FREM3: variants seen among roughly 807,000 people sequenced by gnomAD.
FREM3 encodes the protein FRAS1 related extracellular matrix 3.
FREM3 carries 105 observed loss-of-function variants against 129.1 expected under a neutral mutation model. The ratio of observed to expected loss-of-function variants is 0.81; its 90% CI spans 0.69 to 0.96. FREM3 has a LOEUF of 0.96. Ranked by LOEUF, FREM3 falls within the 40% of genes least tolerant of loss-of-function variation. The pLI, the probability that FREM3 is intolerant of heterozygous loss-of-function variation, is 0.00. For missense variants in FREM3, 2,593 were observed against 2,666.3 expected (o/e 0.97, Z 0.61); for synonymous variants, 1,014 against 1,044.9 (o/e 0.97, Z 0.57).
At position 143,697,575 on chromosome 4, in the gene FREM3, G is replaced by C; in HGVS notation, c.3101C>G (p.Ala1034Gly). The C allele has an allele frequency of 6.5e-7, 1 of 1,537,510 alleles. No individual in the cohort carries two copies. The highest frequency in any genetic ancestry group is 8.7e-7 in the Non-Finnish European group (1 of 1,146,968). Residue 1034 changes from alanine (A) to glycine (G), a missense_variant, in exon 1 of 8, where the codon GCC becomes GGC. By Grantham distance (60) the Ala-to-Gly change is moderately conservative (BLOSUM62 0). Transcript: ENST00000329798. ...GEVGFQKQHD[A>G]FSLILSKDSY... The stretch of plus-strand genomic sequence containing the variant: ...ATCTTTGGAGAGGATGAGGCTGAAG[G>C]CATCGTGCTGCTTTTGAAAACCAAC...
At chr4:143,598,140 T>C (rs1410836741) in intron 6 of FREM3, among the ~76,000 whole-genome samples, 1 of 152,208 alleles carries the variant, frequency 6.6e-6, no homozygotes, top group Non-Finnish European at 1.5e-5. Context: ...AATTTCAGCA[T>C]ATAAATTTGG....
At chr4:143,602,501 C>A (rs555768770) in intron 6 of FREM3, among the ~76,000 whole-genome samples, 9 of 152,238 alleles carry the variant, frequency 5.9e-5, no homozygotes, top group Admixed American at 2.0e-4. Flanking sequence ...AAAAGTCATA[C>A]ACTACAGCTG....
chr4:143,699,709 T>G lies in FREM3; in HGVS notation c.967A>C (p.Thr323Pro), dbSNP rs1446114389. 8 of 1,520,634 alleles carry G rather than the reference T, an allele frequency of 5.3e-6. No homozygotes were observed. The East Asian group carries it at 2.0e-4, about 37-fold the overall frequency. 94.2% of individuals were successfully genotyped at this position (1,520,634 alleles called of 1,614,324 possible). A position where few individuals can be genotyped will look rare whatever the true frequency, so the allele number is the denominator to read the frequency against. ...GCCAGTGCGTCAGGCGTCAGGGCTG[T>G]CAGCACCAGTGGATCCACCTCCATC... The part of the protein sequence containing the change: ...MMMEVDPLVL[T>P]ALTPDALAAE... The change falls in exon 1 of 8, where the codon ACA (threonine) becomes CCA (proline). Residue 323 changes from threonine (T) to proline (P), a missense_variant. This residue lies in a region of FREM3 where 2,276 missense variants were observed against 2,267.2 expected (regional missense o/e 1.00). Transcript: ENST00000329798. The surrounding 1 kb of genome is among the most constrained non-coding windows in gnomAD (Gnocchi z 4.2).
chr4:143,651,283 G>A (rs537564438), intron 2 of FREM3, among the ~76,000 whole-genome samples: 1 of 152,274 alleles, frequency 6.6e-6, no homozygotes, highest in Non-Finnish European at 1.5e-5. Flanking sequence ...TCTAATTACC[G>A]TTTGCTAAAT....
intron 2 of FREM3, among the ~76,000 whole-genome samples, chr4:143,689,368 A>C (rs1012339693): frequency 5.3e-5 from 8 of 152,100 alleles, no homozygotes; most frequent in Non-Finnish European, 1.2e-4. Flanking sequence ...TCAAAAAAAT[A>C]ATTAAAAAAA....
chr4:143,618,621 T>C (rs1018091), intron 5 of FREM3, among the ~76,000 whole-genome samples: 69,890 of 151,926 alleles, frequency 0.46, 16,412 homozygotes, highest in African/African-American at 0.54. Flanking sequence ...CAGCCAAGTA[T>C]GGTGGCACAC....
chr4:143,598,981 A>T (rs1393401238), intron 6 of FREM3, among the ~76,000 whole-genome samples: 1 of 152,226 alleles, frequency 6.6e-6, no homozygotes, highest in Non-Finnish European at 1.5e-5. Flanking sequence ...GCTCTCATTA[A>T]GTGACACATG....
At chr4:143,686,105 AACTTAG>A (rs1740359534) in intron 2 of FREM3, among the ~76,000 whole-genome samples, 1 of 152,154 alleles carries the variant, frequency 6.6e-6, no homozygotes, top group African/African-American at 2.4e-5. Context: ...AGACTCACAT[AACTTAG>A]AGTAAAGGGG....
At chr4:143,675,018 C>T (rs1740082688) in intron 2 of FREM3, among the ~76,000 whole-genome samples, 1 of 152,164 alleles carries the variant, frequency 6.6e-6, no homozygotes, top group African/African-American at 2.4e-5. Flanking sequence ...AGGAATTGAA[C>T]TCAGCTCTGC....
At chr4:143,688,043 C>T (rs1271124375) in intron 2 of FREM3, among the ~76,000 whole-genome samples, 1 of 152,118 alleles carries the variant, frequency 6.6e-6, no homozygotes, top group Non-Finnish European at 1.5e-5. Flanking sequence ...AAATAAAGGG[C>T]ATCCAAATCA....
intron 5 of FREM3, among the ~76,000 whole-genome samples, chr4:143,618,259 C>A (rs1738884726): frequency 6.6e-6 from 1 of 152,056 alleles, no homozygotes; most frequent in African/African-American, 2.4e-5. Flanking sequence ...TGTAATCCAA[C>A]TTCCCACATG....
In FREM3 at chr4:143,627,694, T is replaced by TA; in HGVS notation, c.5341dup (p.Tyr1781LeufsTer6). 6.5e-7 allele frequency: 1 copy of TA among 1,533,172 alleles called. No homozygotes were observed. The highest frequency in any genetic ancestry group is 1.2e-5 in the South Asian group (1 of 83,964). 95.0% of individuals were successfully genotyped at this position (1,533,172 alleles called of 1,614,324 possible). A position where few individuals can be genotyped will look rare whatever the true frequency, so the allele number is the denominator to read the frequency against. On this transcript the variant is annotated frameshift_variant, in exon 3 of 8. Coordinates refer to ENST00000329798, the MANE Select transcript of FREM3 (RefSeq NM_001168235.2). LOFTEE classifies it high-confidence loss of function. ...TGTGGAATCTTCATCCACAATGTAGTACTCTTTCTCCAAACAAATCCAAGC... is the reference window on the plus strand; with the variant it reads ...TGTGGAATCTTCATCCACAATGTAGTAACTCTTTCTCCAAACAAATCCAAGC...
intron 2 of FREM3, among the ~76,000 whole-genome samples, chr4:143,660,550 T>C (rs1262893644): frequency 1.3e-5 from 2 of 152,230 alleles, no homozygotes; most frequent in African/African-American, 2.4e-5. Context: ...TGGCTTAGGA[T>C]TGACTTGGCG....
chr4:143,675,239 C>T (rs967194021), intron 2 of FREM3, among the ~76,000 whole-genome samples: 2 of 152,178 alleles, frequency 1.3e-5, no homozygotes, highest in Non-Finnish European at 2.9e-5. Context: ...AAGAAACTCA[C>T]TCAAAACCGC....
intron 2 of FREM3, among the ~76,000 whole-genome samples, chr4:143,683,909 C>A (rs1350463646): frequency 6.6e-6 from 1 of 152,078 alleles, no homozygotes; most frequent in Admixed American, 6.6e-5. Context: ...TCCCTGACAA[C>A]CTGTATGACT....
chr4:143,578,182 G>C (rs1405514150), intron 7 of FREM3, among the ~76,000 whole-genome samples: 1 of 152,106 alleles, frequency 6.6e-6, no homozygotes, highest in Non-Finnish European at 1.5e-5. Context: ...GAAAGGATTT[G>C]CCTTTTTAAT....
At position 143,696,786 on chromosome 4, in the gene FREM3, A is replaced by T; in HGVS notation, c.3890T>A (p.Ile1297Asn). Residue 1297 changes from isoleucine (I) to asparagine (N), a missense_variant, in exon 1 of 8, where the codon ATT (isoleucine) becomes AAT (asparagine). Ile to Asn is a moderately radical substitution (Grantham distance 149, BLOSUM62 -3). Around this residue, in one of 2 missense-constraint regions of FREM3, gnomAD observed 2,276 missense variants for 2,267.2 expected, o/e 1.00. Coordinates refer to ENST00000329798, the MANE Select transcript of FREM3 (RefSeq NM_001168235.2). The stretch of plus-strand genomic sequence containing the variant: ...TTCATCATCCACTAGGGTCACTACA[A>T]TGGGTACCTTCCTGTGGGTTGTGTG... ...GKHTTHRKVP[I>N]VVTLVDDETP... 8.5e-6 allele frequency: 13 copies of T among 1,537,800 alleles called. No individual in the cohort carries two copies. Among genetic ancestry groups the T allele is most frequent in the Non-Finnish European group, 1.1e-5 (13 of 1,147,046 alleles).
At chr4:143,677,161 G>A (rs544964992) in intron 2 of FREM3, among the ~76,000 whole-genome samples, 7 of 152,184 alleles carry the variant, frequency 4.6e-5, no homozygotes, top group Admixed American at 3.3e-4. Flanking sequence ...GGCTACAGTA[G>A]CCAAAACAGC....
intron 2 of FREM3, among the ~76,000 whole-genome samples, chr4:143,648,629 C>T (rs1299430780): frequency 1.3e-5 from 2 of 152,206 alleles, no homozygotes; most frequent in Admixed American, 1.3e-4. Flanking sequence ...CTTCCTGCCA[C>T]TAAGTGAAGA....
Sources: allele counts gnomAD v4.1 joint callset (sites outside exome capture counted in the v4.1 genomes callset), GRCh38; gene constraint gnomAD v4.1.1; regional missense constraint gnomAD v4.1.1; non-coding constraint Gnocchi (gnomAD v3.1); transcripts MANE v1.5; gene names NCBI Gene and HGNC (gene_info 2026-07-23, HGNC 2026-07-21).